The following REEP6 variants were observed in gnomAD, a reference collection of about 807,000 sequenced individuals.
REEP6 encodes the protein receptor accessory protein 6, also known as receptor expression-enhancing protein 6.
A neutral mutation model predicts 22.4 loss-of-function variants in REEP6; 19 were observed. That is an observed-to-expected ratio of 0.85 (90% CI 0.59 to 1.25). The LOEUF (loss-of-function observed/expected upper bound fraction) is 1.25. Ranked by LOEUF, REEP6 falls within the 50% of genes most tolerant of loss-of-function variation. The probability of loss-of-function intolerance (pLI) is 0.00; values close to 1 mark genes in which losing one functional copy is unlikely to be tolerated. For synonymous variants in REEP6, 121 were observed against 113.6 expected, an observed-to-expected ratio of 1.06 and a Z score of -0.41; for missense variants, 273 against 251.9, an observed-to-expected ratio of 1.08 and a Z score of -0.57.
rs945511997 is a variant in REEP6 at position 1,491,211 on chromosome 19, G to A, written c.-59G>A. ...GCGGGAAAGCGGTGCGCGTGCAGCGGGGTGGGTGCCCTGGTCCGCGGGCGA... is the reference window on the plus strand; with the variant it reads ...GCGGGAAAGCGGTGCGCGTGCAGCGAGGTGGGTGCCCTGGTCCGCGGGCGA... On this transcript the variant is annotated 5_prime_UTR_variant, in exon 1 of 5. Coordinates refer to ENST00000233596, the MANE Select transcript of REEP6 (RefSeq NM_138393.4). This position sits in a 1 kb window ranked among gnomAD's most constrained non-coding sequence, Gnocchi z 5.4. 4 of 1,214,518 alleles carry A rather than the reference G, an allele frequency of 3.3e-6. No individual in the cohort carries two copies. The highest frequency in any genetic ancestry group is 1.6e-5 in the South Asian group (1 of 61,918). The allele number at this position is 1,214,518 out of a possible 1,614,324, so 75.2% of individuals were successfully genotyped here.
rs2085017508 is a variant in REEP6 at position 1,497,301 on chromosome 19, C to T, written c.*90C>T. ...GGCCTCCACAGAGTCTTCAGCGCAT[C>T]CCCCAACAGCAGCCCCTGCCAGTCC... On this transcript the variant is annotated 3_prime_UTR_variant, in exon 5 of 5. Transcript: ENST00000233596. This position sits in a 1 kb window ranked among gnomAD's most constrained non-coding sequence, Gnocchi z 6.5. The T allele has an allele frequency of 4.2e-6, 5 of 1,189,314 alleles. No individual in the cohort carries two copies. Among genetic ancestry groups the T allele is most frequent in the South Asian group, 1.3e-5 (1 of 76,982 alleles). The allele number at this position is 1,189,314 out of a possible 1,614,324, so 73.7% of individuals were successfully genotyped here. A position where few individuals can be genotyped will look rare whatever the true frequency, so the allele number is the denominator to read the frequency against.
intron 1 of REEP6, among the ~76,000 whole-genome samples, chr19:1,493,802 G>T (rs2084985017): frequency 6.6e-6 from 1 of 151,778 alleles, no homozygotes; most frequent in South Asian, 2.1e-4. Flanking sequence ...TAAATGTGCA[G>T]AAAGGCTGAT....
At chr19:1,492,590 G>A (rs1041561314) in intron 1 of REEP6, among the ~76,000 whole-genome samples, 1 of 152,114 alleles carries the variant, frequency 6.6e-6, no homozygotes, top group South Asian at 2.1e-4. Flanking sequence ...TTTGTGTGGT[G>A]CTCCCAGCCC....
chr19:1,496,786 T>C (rs2085012170), intron 4 of REEP6: 2 of 598,478 alleles, frequency 3.3e-6, no homozygotes, highest in African/African-American at 1.8e-5. Flanking sequence ...TGTGCATGTT[T>C]TGTCATGTGC....
rs953427234 is a variant in REEP6 at position 1,497,871 on chromosome 19, T to C, written c.*660T>C. ...CAGGCCCCCGTGCCTGCAGCACTAC[T>C]GGTGCCTGAAACACCTGGCCTGCTA... On this transcript the variant is annotated 3_prime_UTR_variant, in exon 5 of 5. Transcript: ENST00000233596. The surrounding 1 kb of genome is among the most constrained non-coding windows in gnomAD (Gnocchi z 6.5). 5 of 466,130 alleles carry C rather than the reference T, an allele frequency of 1.1e-5. No individual in the cohort carries two copies. The highest frequency in any genetic ancestry group is 7.1e-5 in the Admixed American group (3 of 42,214). The allele number at this position is 466,130 out of a possible 1,614,324, so 28.9% of individuals were successfully genotyped here. A position where few individuals can be genotyped will look rare whatever the true frequency, so the allele number is the denominator to read the frequency against.
At position 1,495,531 on chromosome 19, in the gene REEP6, T is replaced by C. The variant is rs751752366; in HGVS notation, c.272T>C (p.Val91Ala). Residue 91 changes from valine to alanine, a missense_variant, in exon 3 of 5, where the codon GTG (valine) becomes GCG (alanine). Physicochemically the swap from Val to Ala is moderately conservative, Grantham distance 64. Transcript: ENST00000233596. ...DDTVWLTYWV[V>A]YALFGLAEFF... ...ACTGTGTGGCTCACCTACTGGGTGG[T>C]GTACGCCCTGTTTGGGCTGGCCGAG... is the stretch of plus-strand genomic sequence containing the variant. 2 of 1,613,928 alleles carry C rather than the reference T, an allele frequency of 1.2e-6. No individual in the cohort carries two copies. Among genetic ancestry groups the C allele is most frequent in the South Asian group, 2.2e-5 (2 of 91,090 alleles).
In REEP6 at chr19:1,495,395, C is replaced by T; in HGVS notation, c.209+8C>T. 1.9e-6 allele frequency: 3 copies of T among 1,613,814 alleles called. No individual in the cohort carries two copies. Among genetic ancestry groups the T allele is most frequent in the Non-Finnish European group, 2.5e-6 (3 of 1,180,012 alleles). ...GTACCCCGCATATGCCTCGTGAGTGCACGGCTGGCTGCCCACGCGGGGGGT... is the reference window on the plus strand; with the variant it reads ...GTACCCCGCATATGCCTCGTGAGTGTACGGCTGGCTGCCCACGCGGGGGGT... On this transcript the variant is annotated splice_region_variant and intron_variant, in intron 2 of 4. Coordinates refer to ENST00000233596, the MANE Select transcript of REEP6 (RefSeq NM_138393.4).
At chr19:1,492,883 G>A (rs2084978170) in intron 1 of REEP6, among the ~76,000 whole-genome samples, 2 of 152,186 alleles carry the variant, frequency 1.3e-5, no homozygotes, top group Admixed American at 1.3e-4. Context: ...GGCTGTGCCT[G>A]CCCCCGGGAG....
rs573005112 is a variant in REEP6 at position 1,495,397 on chromosome 19, C to T, written c.209+10C>T. ...ACCCCGCATATGCCTCGTGAGTGCA[C>T]GGCTGGCTGCCCACGCGGGGGGTTC... On this transcript the variant is annotated intron_variant, in intron 2 of 4. Coordinates refer to ENST00000233596, the MANE Select transcript of REEP6 (RefSeq NM_138393.4). 5.5e-5 allele frequency: 88 copies of T among 1,613,750 alleles called. No homozygotes were observed. Among genetic ancestry groups the T allele is most frequent in the Admixed American group, 4.0e-4 (24 of 60,020 alleles).
chr19:1,494,900 G>C (rs1403327737), intron 1 of REEP6, among the ~76,000 whole-genome samples: 1 of 152,164 alleles, frequency 6.6e-6, no homozygotes, highest in Non-Finnish European at 1.5e-5. Flanking sequence ...TAGCCAGGAT[G>C]GTCTCCATCT....
Position 1,497,144 on chromosome 19 carries a change from G to A in REEP6, c.518-30G>A. ...CCGGGGAGCCCAGGCCTGCCTCACG[G>A]CCCTCCCCCACCCGCCCCTCTCTCT... is the stretch of plus-strand genomic sequence containing the variant. On this transcript the variant is annotated intron_variant, in intron 4 of 4. Coordinates refer to ENST00000233596, the MANE Select transcript of REEP6 (RefSeq NM_138393.4). The surrounding 1 kb of genome is among the most constrained non-coding windows in gnomAD (Gnocchi z 6.5). The A allele has an allele frequency of 1.5e-6, 2 of 1,328,126 alleles. No individual in the cohort carries two copies. Among genetic ancestry groups the A allele is most frequent in the Non-Finnish European group, 2.0e-6 (2 of 992,336 alleles). The allele number at this position is 1,328,126 out of a possible 1,614,324, so 82.3% of individuals were successfully genotyped here.
In REEP6 at chr19:1,495,749, G is replaced by A. The variant is rs754385184; in HGVS notation, c.348+142G>A. On this transcript the variant is annotated intron_variant, in intron 3 of 4. Coordinates refer to ENST00000233596, the MANE Select transcript of REEP6 (RefSeq NM_138393.4). ...CTCAGTCCCTTCCCTGGGGAAACGAGCCCTGTCCGGGGGCTGATGGTGGAG... is the reference window on the plus strand; with the variant it reads ...CTCAGTCCCTTCCCTGGGGAAACGAACCCTGTCCGGGGGCTGATGGTGGAG... The A allele has an allele frequency of 3.3e-6, 4 of 1,207,206 alleles. No individual in the cohort carries two copies. The East Asian group carries it at 7.3e-5, about 22-fold the overall frequency. 74.8% of individuals were successfully genotyped at this position (1,207,206 alleles called of 1,614,324 possible). A position where few individuals can be genotyped will look rare whatever the true frequency, so the allele number is the denominator to read the frequency against.
At position 1,496,304 on chromosome 19, in the gene REEP6, G is replaced by A. The variant is rs989689188; in HGVS notation, c.368G>A (p.Cys123Tyr). 2 of 1,610,144 alleles carry A rather than the reference G, an allele frequency of 1.2e-6. No homozygotes were observed. Residue 123 changes from cysteine to tyrosine, a missense_variant, in exon 4 of 5, where the codon TGC (cysteine) becomes TAC (tyrosine). Transcript: ENST00000233596. ...YVGKCAFLLF[C>Y]MAPRPWNGAL... ...CTGCAGTGCGCCTTCCTGTTGTTCT[G>A]CATGGCTCCCAGGCCCTGGAACGGG...
intron 4 of REEP6, 50 bp downstream of exon 4, chr19:1,496,503 A>T (rs1458096484): frequency 6.3e-7 from 1 of 1,592,426 alleles, no homozygotes; most frequent in South Asian, 1.1e-5. Context: ...CCGGGTCTGG[A>T]CCTGTCTCTC....
Position 1,497,091 on chromosome 19 carries a change from G to T in REEP6, c.518-83G>T. ...CCTCGACTTGTCATGCTCATAGCCAGTAGCCTCAGTCCCGCCTGCGAGCAG... is the reference window on the plus strand; with the variant it reads ...CCTCGACTTGTCATGCTCATAGCCATTAGCCTCAGTCCCGCCTGCGAGCAG... On this transcript the variant is annotated intron_variant, in intron 4 of 4. Coordinates refer to ENST00000233596, the MANE Select transcript of REEP6 (RefSeq NM_138393.4). This position sits in a 1 kb window ranked among gnomAD's most constrained non-coding sequence, Gnocchi z 6.5. 2 of 1,159,462 alleles carry T rather than the reference G, an allele frequency of 1.7e-6. No homozygotes were observed. Among genetic ancestry groups the T allele is most frequent in the South Asian group, 3.3e-5 (2 of 60,640 alleles). The allele number at this position is 1,159,462 out of a possible 1,614,324, so 71.8% of individuals were successfully genotyped here. A position where few individuals can be genotyped will look rare whatever the true frequency, so the allele number is the denominator to read the frequency against.
At chr19:1,493,981 G>C (rs1466288902) in intron 1 of REEP6, among the ~76,000 whole-genome samples, 1 of 152,166 alleles carries the variant, frequency 6.6e-6, no homozygotes, top group African/African-American at 2.4e-5. Flanking sequence ...AGGAGGTTGA[G>C]GCAGGAGAAT....
chr19:1,492,957 G>A lies in REEP6; in HGVS notation c.115+1573G>A, dbSNP rs79894039. ...GGGCTAGTGGGCAGGAATTTAGGTC[G>A]TAGAGCGCCCAGGAGGCAGGCAGCA... On this transcript the variant is annotated intron_variant, in intron 1 of 4. Coordinates refer to ENST00000233596, the MANE Select transcript of REEP6 (RefSeq NM_138393.4). 3.9e-3 allele frequency among the ~76,000 whole-genome samples: 598 copies of A among 152,286 alleles called. 6 individuals carry two copies. Among genetic ancestry groups the A allele is most frequent in the African/African-American group, 0.013 (543 of 41,546 alleles).
Position 1,497,067 on chromosome 19 carries a change from C to T in REEP6, c.518-107C>T. On this transcript the variant is annotated intron_variant, in intron 4 of 4. Transcript: ENST00000233596. The surrounding 1 kb of genome is among the most constrained non-coding windows in gnomAD (Gnocchi z 6.5). ...TCTGCTGAGGGTGGCTGCCCGGCCC[C>T]TCGACTTGTCATGCTCATAGCCAGT... The T allele has an allele frequency of 1.0e-6, 1 of 974,924 alleles. No homozygotes were observed. Among genetic ancestry groups the T allele is most frequent in the Non-Finnish European group, 1.5e-6 (1 of 679,912 alleles). 60.4% of individuals were successfully genotyped at this position (974,924 alleles called of 1,614,324 possible). A position where few individuals can be genotyped will look rare whatever the true frequency, so the allele number is the denominator to read the frequency against.
In REEP6 at chr19:1,491,528, C is replaced by T. The variant is rs1358274911; in HGVS notation, c.115+144C>T. 8.2e-6 allele frequency: 4 copies of T among 486,972 alleles called. No homozygotes were observed. Among genetic ancestry groups the T allele is most frequent in the Non-Finnish European group, 1.4e-5 (4 of 292,980 alleles). 30.2% of individuals were successfully genotyped at this position (486,972 alleles called of 1,614,324 possible). ...GGTGACTGGGACCTCGAGGTCCGCC[C>T]GCAGCCCTTCCCTTGCCCGCGCCCT... is the stretch of plus-strand genomic sequence containing the variant. On this transcript the variant is annotated intron_variant, in intron 1 of 4. Transcript: ENST00000233596. This position sits in a 1 kb window ranked among gnomAD's most constrained non-coding sequence, Gnocchi z 5.4.
Sources: gnomAD v4.1 joint callset for allele counts (sites outside exome capture counted in the v4.1 genomes callset) on GRCh38, gnomAD v4.1.1 for gene constraint, Gnocchi (gnomAD v3.1) non-coding constraint, MANE v1.5 for transcripts, NCBI Gene and HGNC (gene_info 2026-07-23, HGNC 2026-07-21) for gene names.